N4BP2: variants seen among roughly 807,000 people sequenced by gnomAD.
N4BP2 encodes the protein NEDD4-binding protein 2.
In N4BP2, 91 loss-of-function variants were observed where a neutral mutation model predicts 152.8. That is an observed-to-expected ratio of 0.60 (90% CI 0.50 to 0.71). The LOEUF is 0.71. N4BP2 is among the 30% of genes least tolerant of loss of function. The probability of loss-of-function intolerance (pLI) is 0.00; values close to 1 mark genes in which losing one functional copy is unlikely to be tolerated. For synonymous variants in N4BP2, 646 were observed against 705.3 expected, an observed-to-expected ratio of 0.92 and a Z score of 1.33; for missense variants, 1,923 against 2,059.1, an observed-to-expected ratio of 0.93 and a Z score of 1.28.
In N4BP2 at chr4:40,099,169, C is replaced by T. The variant is rs536632100; in HGVS notation, c.229+1600C>T. Among the ~76,000 whole-genome samples the T allele has an allele frequency of 5.3e-5, 8 of 152,254 alleles. No individual in the cohort carries two copies. The East Asian group carries it at 1.5e-3, about 29-fold the overall frequency. ...ATTGCCTACCAATGAGGTGTGCTGA[C>T]TTGTAATTCCACCAGGCTTGCATAA... On this transcript the variant is annotated intron_variant, in intron 3 of 17. Coordinates refer to ENST00000261435, the MANE Select transcript of N4BP2 (RefSeq NM_018177.6).
At chr4:40,177,645 A>G in the N4BP2 span, among the ~76,000 whole-genome samples, 2 of 152,060 alleles carry the variant, frequency 1.3e-5, no homozygotes, top group African/African-American at 4.8e-5. Context: ...AAGAAAAAAA[A>G]TAAAGACTTC....
chr4:40,062,064 T>C (rs1291357563), intron 1 of N4BP2, among the ~76,000 whole-genome samples: 1 of 142,930 alleles, frequency 7.0e-6, no homozygotes, highest in Non-Finnish European at 1.5e-5. Context: ...TTTTACTGCT[T>C]TATTTTTTGG....
chr4:40,124,753 A>G (rs1487771634), intron 11 of N4BP2, among the ~76,000 whole-genome samples: 1 of 152,226 alleles, frequency 6.6e-6, no homozygotes, highest in African/African-American at 2.4e-5. Flanking sequence ...GCTGTGGAAC[A>G]CCTAGGGTAT....
At chr4:40,133,455 C>T (rs1579106424) in intron 13 of N4BP2, among the ~76,000 whole-genome samples, 1 of 152,170 alleles carries the variant, frequency 6.6e-6, no homozygotes, top group Non-Finnish European at 1.5e-5. Flanking sequence ...CCTGCCTCAG[C>T]CTCCTAAGTA....
At chr4:40,077,973 C>G (rs1320488659) in intron 2 of N4BP2, 2 of 152,010 alleles carry the variant, frequency 1.3e-5, no homozygotes, top group Non-Finnish European at 2.9e-5. Context: ...GTGAAGTGTT[C>G]CATATTTTTA....
chr4:40,070,449 A>T (rs561271088), intron 1 of N4BP2, among the ~76,000 whole-genome samples: 1 of 151,970 alleles, frequency 6.6e-6, no homozygotes, highest in Non-Finnish European at 1.5e-5. Context: ...GTATTATACT[A>T]CTTTTTGATT....
the N4BP2 span, among the ~76,000 whole-genome samples, chr4:40,176,905 G>A: frequency 1.3e-5 from 2 of 152,160 alleles, no homozygotes; most frequent in Non-Finnish European, 2.9e-5. Context: ...TGGCCTTTCG[G>A]GGGATCCCTG....
chr4:40,179,937 T>A, the N4BP2 span, among the ~76,000 whole-genome samples: 1 of 152,006 alleles, frequency 6.6e-6, no homozygotes, highest in African/African-American at 2.4e-5. Context: ...GCTACTTTTG[T>A]ATTTTTAGTA....
intron 1 of N4BP2, among the ~76,000 whole-genome samples, chr4:40,059,811 G>C (rs778751260): frequency 1.3e-5 from 2 of 152,148 alleles, no homozygotes; most frequent in Non-Finnish European, 2.9e-5. Context: ...TAAGCACTTT[G>C]CATATGTGAT....
chr4:40,117,392 A>G (rs1214500909), intron 7 of N4BP2, among the ~76,000 whole-genome samples: 1 of 152,174 alleles, frequency 6.6e-6, no homozygotes, highest in African/African-American at 2.4e-5. Context: ...CTTGAATTCA[A>G]CCCAAGACAG....
chr4:40,144,470 A>G (rs1720324241), intron 15 of N4BP2, among the ~76,000 whole-genome samples, 162 bp from the exon 16 acceptor site: 1 of 152,204 alleles, frequency 6.6e-6, no homozygotes, highest in Non-Finnish European at 1.5e-5. Flanking sequence ...AATTTACCTA[A>G]ATTTTGGTGC....
chr4:40,124,759 G>A (rs542322279), intron 11 of N4BP2, among the ~76,000 whole-genome samples: 8 of 152,070 alleles, frequency 5.3e-5, no homozygotes, highest in African/African-American at 7.2e-5. Flanking sequence ...GAACACCTAG[G>A]GTATGCTCTC....
intron 2 of N4BP2, among the ~76,000 whole-genome samples, chr4:40,084,632 T>TGA (rs1553919456): frequency 1.1e-5 from 1 of 87,002 alleles, no homozygotes; most frequent in Non-Finnish European, 2.5e-5. Context: ...ATATATATAA[T>TGA]TTTTTTTTTT....
intron 1 of N4BP2, among the ~76,000 whole-genome samples, chr4:40,069,032 A>G (rs563209040): frequency 2.9e-4 from 44 of 152,254 alleles, no homozygotes; most frequent in African/African-American, 9.6e-4. Flanking sequence ...AGGCAGGAGA[A>G]TCGCTTGAAC....
At chr4:40,086,319 A>G (rs2109929557) in intron 2 of N4BP2, among the ~76,000 whole-genome samples, 1 of 151,410 alleles carries the variant, frequency 6.6e-6, no homozygotes, top group African/African-American at 2.4e-5. Flanking sequence ...AAAATAAGAA[A>G]AAATTTAAAA....
intron 2 of N4BP2, among the ~76,000 whole-genome samples, chr4:40,093,137 T>G (rs1279754754): frequency 6.6e-6 from 1 of 150,480 alleles, no homozygotes; most frequent in Admixed American, 6.6e-5. Flanking sequence ...AGAGAAAGGG[T>G]TTCACCATGT....
In N4BP2 at chr4:40,142,823, A is replaced by G; in HGVS notation, c.4936A>G (p.Ile1646Val). Residue 1646 changes from isoleucine to valine, a missense_variant, in exon 15 of 18, where the codon ATA becomes GTA. Physicochemically the swap from Ile to Val is conservative, Grantham distance 29. Transcript: ENST00000261435. ...CAGCAAGGCCAAAGAAGCTTATCGG[A>G]TAGGGAAAAAAAATGTCGCCACCTT... ...CYSKAKEAYRIGKKNVATFYA... is the reference protein window; with the variant it reads ...CYSKAKEAYRVGKKNVATFYA... The G allele has an allele frequency of 6.2e-7, 1 of 1,613,898 alleles. No individual in the cohort carries two copies. The highest frequency in any genetic ancestry group is 8.5e-7 in the Non-Finnish European group (1 of 1,179,964).
intron 16 of N4BP2, among the ~76,000 whole-genome samples, chr4:40,148,334 G>A (rs1054889417): frequency 3.9e-5 from 6 of 152,184 alleles, no homozygotes; most frequent in Admixed American, 1.3e-4. Context: ...GCCTGCAATC[G>A]CAGGCACTGG....
chr4:40,095,655 T>C (rs1715041860), intron 2 of N4BP2, among the ~76,000 whole-genome samples: 1 of 152,122 alleles, frequency 6.6e-6, no homozygotes. Flanking sequence ...CAATGGATAG[T>C]TAGCAGGAAA....
Sources: gnomAD v4.1 joint callset for allele counts (sites outside exome capture counted in the v4.1 genomes callset) on GRCh38, gnomAD v4.1.1 for gene constraint, MANE v1.5 for transcripts, NCBI Gene and HGNC (gene_info 2026-07-23, HGNC 2026-07-21) for gene names.